KYNU: variants seen among roughly 807,000 people sequenced by gnomAD.
The protein encoded by KYNU is kynureninase, also known as L-kynurenine hydrolase.
Under a neutral mutation model 59.2 loss-of-function variants are expected in KYNU, and 54 were observed. That is an observed-to-expected ratio of 0.91 (90% CI 0.73 to 1.14). The LOEUF (loss-of-function observed/expected upper bound fraction) is 1.14, where lower values mean the gene tolerates loss of function less well. Among genes scored for constraint, KYNU ranks in the 50% most tolerant of loss-of-function variants. KYNU has a pLI of 0.00. For missense variants in KYNU, 567 were observed against 554.4 expected, an observed-to-expected ratio of 1.02 and a Z score of -0.23; for synonymous variants, 177 against 192.0, an observed-to-expected ratio of 0.92 and a Z score of 0.65.
At chr2:143,032,513 G>T (rs1686781595) in intron 11 of KYNU, among the ~76,000 whole-genome samples, 1 of 152,060 alleles carries the variant, frequency 6.6e-6, no homozygotes, top group Non-Finnish European at 1.5e-5. Context: ...TCCTGGATTT[G>T]ATAACTATAA....
chr2:142,908,323 A>G (rs1040584258), intron 2 of KYNU, among the ~76,000 whole-genome samples: 3 of 152,186 alleles, frequency 2.0e-5, no homozygotes, highest in African/African-American at 7.2e-5. Flanking sequence ...ATTAAATCTT[A>G]AATTACAGTA....
At chr2:143,026,797 CTT>C (rs1686585864) in intron 10 of KYNU, among the ~76,000 whole-genome samples, 1 of 152,228 alleles carries the variant, frequency 6.6e-6, no homozygotes, top group African/African-American at 2.4e-5. Flanking sequence ...GGGCCTCTGA[CTT>C]TTCACATGAG....
chr2:143,054,726 A>G lies in KYNU; in HGVS notation c.*12554A>G, dbSNP rs920879500. 2 of 152,218 alleles carry G rather than the reference A, an allele frequency of 1.3e-5. No homozygotes were observed. Among genetic ancestry groups the G allele is most frequent in the Non-Finnish European group, 2.9e-5 (2 of 68,042 alleles). 9.4% of individuals were successfully genotyped at this position (152,218 alleles called of 1,614,324 possible). ...GAGGGGCAATTAAATGATACCATAA[A>G]GAGTCAAATACAGGGCATGCAACAT... On this transcript the variant is annotated 3_prime_UTR_variant, in exon 14 of 14. Coordinates refer to ENST00000264170, the MANE Select transcript of KYNU (RefSeq NM_003937.3).
chr2:142,917,100 G>A (rs1682689018), intron 2 of KYNU, among the ~76,000 whole-genome samples: 1 of 152,184 alleles, frequency 6.6e-6, no homozygotes, highest in South Asian at 2.1e-4. Flanking sequence ...CAGTAGAGGA[G>A]ACAGAAAATA....
chr2:143,006,328 G>A (rs189988144), intron 10 of KYNU, among the ~76,000 whole-genome samples: 8 of 151,894 alleles, frequency 5.3e-5, no homozygotes, highest in East Asian at 1.9e-4. Flanking sequence ...ACTCCCACCC[G>A]AATACTGCGC....
chr2:142,953,382 A>G (rs1487967504), intron 4 of KYNU, among the ~76,000 whole-genome samples: 1 of 152,232 alleles, frequency 6.6e-6, no homozygotes, highest in Non-Finnish European at 1.5e-5. Context: ...TCTTAAAGGC[A>G]TTCCCAGAAT....
chr2:143,005,811 A>G (rs1383693712), intron 10 of KYNU, among the ~76,000 whole-genome samples: 1 of 152,036 alleles, frequency 6.6e-6, no homozygotes, highest in Non-Finnish European at 1.5e-5. Flanking sequence ...AGAGAATGAT[A>G]GATTATTGGT....
At chr2:143,037,761 A>G (rs1418578532) in intron 12 of KYNU, among the ~76,000 whole-genome samples, 1 of 152,178 alleles carries the variant, frequency 6.6e-6, no homozygotes, top group Non-Finnish European at 1.5e-5. Flanking sequence ...TTTTCTCAAT[A>G]TTGAAAGCAT....
At chr2:142,995,583 GT>G (rs1345112268) in intron 10 of KYNU, among the ~76,000 whole-genome samples, 2 of 152,090 alleles carry the variant, frequency 1.3e-5, no homozygotes, top group Non-Finnish European at 2.9e-5. Context: ...CTAAGAGTAT[GT>G]TAGCAATATT....
At position 143,050,215 on chromosome 2, in the gene KYNU, G is replaced by C. The variant is rs1297464929; in HGVS notation, c.*8043G>C. 1 of 151,738 alleles carries C rather than the reference G, an allele frequency of 6.6e-6. No homozygotes were observed. Among genetic ancestry groups the C allele is most frequent in the Non-Finnish European group, 1.5e-5 (1 of 67,934 alleles). The allele number at this position is 151,738 out of a possible 1,614,324, so 9.4% of individuals were successfully genotyped here. A position where few individuals can be genotyped will look rare whatever the true frequency, so the allele number is the denominator to read the frequency against. The stretch of plus-strand genomic sequence containing the variant: ...TTCTAAAGAAAACCAGGATACATGT[G>C]CAGAACCTGCAGGTTTGTTACATAG... On this transcript the variant is annotated 3_prime_UTR_variant, in exon 14 of 14. Coordinates refer to ENST00000264170, the MANE Select transcript of KYNU (RefSeq NM_003937.3).
intron 2 of KYNU, among the ~76,000 whole-genome samples, chr2:142,914,102 C>A (rs1418811281): frequency 2.0e-5 from 3 of 152,216 alleles, no homozygotes; most frequent in Admixed American, 2.0e-4. Flanking sequence ...GGTACCCCTG[C>A]AAAGATTCCA....
chr2:142,954,780 C>T, intron 4 of KYNU, 30 bp from the exon 5 acceptor site: 1 of 1,434,332 alleles, frequency 7.0e-7, no homozygotes, highest in Non-Finnish European at 9.8e-7. Flanking sequence ...ATAGTACAAA[C>T]ATCTAAATTA....
intron 10 of KYNU, among the ~76,000 whole-genome samples, chr2:142,995,836 C>T (rs1328455426): frequency 6.6e-6 from 1 of 151,816 alleles, no homozygotes. Context: ...CTGTTTGCTC[C>T]TTCTCTCATT....
At position 143,050,905 on chromosome 2, in the gene KYNU, CACAT is replaced by C. The variant is rs1687254689; in HGVS notation, c.*8734_*8737del. The C allele has an allele frequency of 6.6e-6, 1 of 152,080 alleles. No homozygotes were observed. Among genetic ancestry groups the C allele is most frequent in the Non-Finnish European group, 1.5e-5 (1 of 68,018 alleles). The allele number at this position is 152,080 out of a possible 1,614,324, so 9.4% of individuals were successfully genotyped here. The stretch of plus-strand genomic sequence containing the variant: ...AAACCTTCAAACAGCCTGGAAATAT[CACAT>C]CAATAAAGCACAACCTGGGAATCAA... On this transcript the variant is annotated 3_prime_UTR_variant, in exon 14 of 14. Transcript: ENST00000264170.
At chr2:143,007,147 T>A (rs968340352) in intron 10 of KYNU, among the ~76,000 whole-genome samples, 4 of 151,668 alleles carry the variant, frequency 2.6e-5, no homozygotes, top group African/African-American at 4.9e-5. Flanking sequence ...GCAAAGAAGT[T>A]GAAAACTTCG....
intron 2 of KYNU, among the ~76,000 whole-genome samples, chr2:142,908,232 T>C (rs1346247066): frequency 6.6e-6 from 1 of 152,176 alleles, no homozygotes; most frequent in African/African-American, 2.4e-5. Context: ...TTTCTGTATG[T>C]TTCATCTGTG....
chr2:142,912,800 C>T (rs1410053064), intron 2 of KYNU, among the ~76,000 whole-genome samples: 1 of 149,366 alleles, frequency 6.7e-6, no homozygotes, highest in Non-Finnish European at 1.5e-5. Flanking sequence ...AGCTCTGCCT[C>T]CCGGGTTCAC....
At chr2:142,993,721 A>G (rs1685465710) in intron 10 of KYNU, among the ~76,000 whole-genome samples, 1 of 152,074 alleles carries the variant, frequency 6.6e-6, no homozygotes, top group Non-Finnish European at 1.5e-5. Context: ...AGGCACGAGC[A>G]CAGTTAAAAA....
intron 11 of KYNU, among the ~76,000 whole-genome samples, chr2:143,032,711 T>TGTGTGTGTGTGTGTGTGTG: frequency 7.7e-6 from 1 of 129,454 alleles, no homozygotes; most frequent in Admixed American, 8.1e-5. Flanking sequence ...GCTCCCTCTA[T>TGTGTGTGTGTGTGTGTGTG]TGTGTGTGTG....
Sources: gnomAD v4.1 joint callset for allele counts (sites outside exome capture counted in the v4.1 genomes callset) on GRCh38, gnomAD v4.1.1 for gene constraint, MANE v1.5 for transcripts, NCBI Gene and HGNC (gene_info 2026-07-23, HGNC 2026-07-21) for gene names.